Variants in SCHIP1 observed in about 807,000 individuals in gnomAD.
SCHIP1 encodes the protein schwannomin-interacting protein 1.
Under a neutral mutation model 29.7 loss-of-function variants are expected in SCHIP1, and 8 were observed. The ratio of observed to expected loss-of-function variants is 0.27; its 90% CI spans 0.16 to 0.49. The LOEUF (loss-of-function observed/expected upper bound fraction) is 0.49. SCHIP1 is among the 20% of genes least tolerant of loss of function. The pLI is 0.99. For missense variants in SCHIP1, 193 were observed against 294.6 expected (o/e 0.66, Z 2.52); for synonymous variants, 76 against 94.9 (o/e 0.80, Z 1.16).
chr3:159,700,178 A>C, the SCHIP1 span, among the ~76,000 whole-genome samples: 1 of 152,216 alleles, frequency 6.6e-6, no homozygotes, highest in East Asian at 1.9e-4. Context: ...ATTGACTCTA[A>C]ACTTAATCTA....
At chr3:159,583,647 G>A in the SCHIP1 span, among the ~76,000 whole-genome samples, 1 of 152,122 alleles carries the variant, frequency 6.6e-6, no homozygotes, top group African/African-American at 2.4e-5. Flanking sequence ...TTCAAAATAT[G>A]AGCCACTGCT....
the SCHIP1 span, among the ~76,000 whole-genome samples, chr3:159,403,094 A>T: frequency 6.6e-6 from 1 of 152,252 alleles, no homozygotes; most frequent in Non-Finnish European, 1.5e-5. Flanking sequence ...CATTTACAAA[A>T]GTAAAGATCT....
the SCHIP1 span, among the ~76,000 whole-genome samples, chr3:159,576,343 T>TA: frequency 6.6e-6 from 1 of 152,214 alleles, no homozygotes; most frequent in East Asian, 1.9e-4. Context: ...TTCTGACTCA[T>TA]GTTTACTGTA....
chr3:159,453,603 C>G, the SCHIP1 span, among the ~76,000 whole-genome samples: 1 of 152,096 alleles, frequency 6.6e-6, no homozygotes, highest in African/African-American at 2.4e-5. Flanking sequence ...TCTGTACTGC[C>G]TATCTTTGAG....
chr3:159,666,934 T>G, the SCHIP1 span, among the ~76,000 whole-genome samples: 1 of 152,218 alleles, frequency 6.6e-6, no homozygotes, highest in Admixed American at 6.5e-5. Context: ...AAATCCCAGC[T>G]GTCCTTGGAC....
chr3:159,775,665 G>A, the SCHIP1 span, among the ~76,000 whole-genome samples: 1 of 152,212 alleles, frequency 6.6e-6, no homozygotes, highest in African/African-American at 2.4e-5. Flanking sequence ...AGAGATGAGG[G>A]CAGGCACTCC....
At chr3:159,653,801 A>G in the SCHIP1 span, among the ~76,000 whole-genome samples, 1 of 151,968 alleles carries the variant, frequency 6.6e-6, no homozygotes, top group Non-Finnish European at 1.5e-5. Context: ...TCTAGTTTAC[A>G]TTCATCTACT....
the SCHIP1 span, among the ~76,000 whole-genome samples, chr3:159,608,447 G>T: frequency 1.3e-5 from 2 of 152,166 alleles, no homozygotes; most frequent in Non-Finnish European, 2.9e-5. Context: ...GACAGTTACT[G>T]TTTTGCTGCA....
At chr3:159,333,359 G>C in the SCHIP1 span, among the ~76,000 whole-genome samples, 1 of 152,142 alleles carries the variant, frequency 6.6e-6, no homozygotes, top group African/African-American at 2.4e-5. Flanking sequence ...ACTTAGAGTA[G>C]TATCTGGGAT....
At chr3:159,397,656 C>G in the SCHIP1 span, among the ~76,000 whole-genome samples, 2 of 152,208 alleles carry the variant, frequency 1.3e-5, no homozygotes, top group Non-Finnish European at 1.5e-5. Context: ...CAGGGACCCA[C>G]TTGAGGAGGC....
chr3:159,454,406 C>G, the SCHIP1 span, among the ~76,000 whole-genome samples: 1 of 152,074 alleles, frequency 6.6e-6, no homozygotes, highest in Admixed American at 6.6e-5. Flanking sequence ...ACAACAAAGG[C>G]AAGTCCTGAA....
the SCHIP1 span, among the ~76,000 whole-genome samples, chr3:159,605,731 ATAAT>A: frequency 2.0e-5 from 3 of 152,230 alleles, no homozygotes; most frequent in African/African-American, 7.2e-5. Flanking sequence ...GCTTATTTAA[ATAAT>A]TAATTAGAAT....
chr3:159,890,678 A>G (rs1426424718), intron 5 of SCHIP1, among the ~76,000 whole-genome samples: 1 of 152,220 alleles, frequency 6.6e-6, no homozygotes, highest in Non-Finnish European at 1.5e-5. Flanking sequence ...CTGATATTTT[A>G]CCACTAAAAC....
chr3:159,720,242 G>C, the SCHIP1 span, among the ~76,000 whole-genome samples: 2 of 128,168 alleles, frequency 1.6e-5, no homozygotes, highest in East Asian at 2.8e-4. Flanking sequence ...GTGGGGGGAG[G>C]GGGGAGGGGG....
At chr3:159,779,088 C>T in the SCHIP1 span, among the ~76,000 whole-genome samples, 9,495 of 152,178 alleles carry the variant, frequency 0.062, 949 homozygotes, top group African/African-American at 0.21. Flanking sequence ...TGTGAAGGCT[C>T]TATGAATGTC....
At chr3:159,818,569 C>G in the SCHIP1 span, among the ~76,000 whole-genome samples, 2 of 152,228 alleles carry the variant, frequency 1.3e-5, no homozygotes, top group Admixed American at 6.5e-5. Flanking sequence ...TTTGTGTGAC[C>G]GTAGGGAAGC....
chr3:159,382,093 T>A, the SCHIP1 span, among the ~76,000 whole-genome samples: 1 of 147,138 alleles, frequency 6.8e-6, no homozygotes, highest in South Asian at 2.1e-4. Flanking sequence ...CACACTTACT[T>A]TTTTTTTTTT....
chr3:159,535,225 A>G, the SCHIP1 span, among the ~76,000 whole-genome samples: 2 of 152,222 alleles, frequency 1.3e-5, no homozygotes, highest in Non-Finnish European at 1.5e-5. Flanking sequence ...AGCATACATT[A>G]TGATATCCAA....
At position 159,855,035 on chromosome 3, in the gene SCHIP1, G is replaced by C. The variant is rs148131370; in HGVS notation, c.31-11128G>C. Among the ~76,000 whole-genome samples the C allele has an allele frequency of 3.3e-4, 50 of 152,292 alleles. 1 individual carries two copies. The East Asian group carries it at 7.3e-3, about 22-fold the overall frequency. ...TGTAACCCATTATCTAACAAAGGCA[G>C]TAGAATGCCGCATATGATTTCAGTA... On this transcript the variant is annotated intron_variant, in intron 1 of 6. Coordinates refer to ENST00000445224, the Ensembl canonical transcript of SCHIP1.
Sources: gnomAD v4.1 joint callset for allele counts (sites outside exome capture counted in the v4.1 genomes callset) on GRCh38, gnomAD v4.1.1 for gene constraint, MANE v1.5 for transcripts, NCBI Gene and HGNC (gene_info 2026-07-23, HGNC 2026-07-21) for gene names.